Variants in DMD observed in about 807,000 individuals in gnomAD.
DMD encodes mutant dystrophin.
In DMD, 63 loss-of-function variants were observed where a neutral mutation model predicts 330.1. The ratio of observed to expected loss-of-function variants is 0.19; its 90% CI spans 0.16 to 0.24. The LOEUF (loss-of-function observed/expected upper bound fraction) is 0.24. DMD is among the 10% of genes least tolerant of loss of function. The pLI is 1.00. For missense variants in DMD, 3,344 were observed against 2,684.1 expected (o/e 1.25, Z -5.43); for synonymous variants, 1,223 against 959.8 (o/e 1.27, Z -5.07).
In DMD at chrX:32,505,424, C is replaced by T. The variant is rs7053167; in HGVS notation, c.2293-3582G>A. ...AAGCAAATGAAAATATGTTTCACATCATATGTTACCAGGGAATTACAAATT... is the reference window on the plus strand; with the variant it reads ...AAGCAAATGAAAATATGTTTCACATTATATGTTACCAGGGAATTACAAATT... On this transcript the variant is annotated intron_variant, in intron 18 of 78. Transcript: ENST00000357033. Among the ~76,000 whole-genome samples, 1,006 of 111,939 alleles carry T rather than the reference C, an allele frequency of 9.0e-3. 19 individuals carry two copies. The highest frequency in any genetic ancestry group is 0.031 in the African/African-American group (959 of 30,826).
chrX:32,679,374 T>A (rs2062205642), intron 9 of DMD, among the ~76,000 whole-genome samples: 1 of 111,237 alleles, frequency 9.0e-6, no homozygotes, highest in African/African-American at 3.3e-5. Flanking sequence ...GGCTTGTTCT[T>A]GACATTTACT....
chrX:31,574,814 T>C (rs1365982584), intron 55 of DMD, among the ~76,000 whole-genome samples: 1 of 111,894 alleles, frequency 8.9e-6, no homozygotes, highest in Non-Finnish European at 1.9e-5. Context: ...CATCAATTCA[T>C]TCTCAAGAGA....
intron 52 of DMD, among the ~76,000 whole-genome samples, chrX:31,701,403 A>G (rs2083799744): frequency 8.9e-6 from 1 of 112,000 alleles, no homozygotes; most frequent in Non-Finnish European, 1.9e-5. Context: ...AAAAAGCACA[A>G]TTCCATACAT....
At position 31,820,010 on chromosome X, in the gene DMD, G is replaced by C; in HGVS notation, c.7274C>G (p.Pro2425Arg). 1 of 1,211,540 alleles carries C rather than the reference G, an allele frequency of 8.3e-7. No homozygotes were observed. The highest frequency in any genetic ancestry group is 1.1e-6 in the Non-Finnish European group (1 of 895,219). Residue 2425 changes from proline (P) to arginine (R), a missense_variant, in exon 50 of 79, where the codon CCT becomes CGT. By Grantham distance (103) the Pro-to-Arg change is moderately radical (BLOSUM62 -2). Coordinates refer to ENST00000357033, the MANE Select transcript of DMD (RefSeq NM_004006.3). ...AGTGGTCAGTCCAGGAGCTAGGTCA[G>C]GCTGCTTTGCCCTCAGCTCTTGAAG... ...RLLQELRAKQ[P>R]DLAPGLTTIG...
At chrX:33,239,189 G>T (rs2052541632) in intron 1 of DMD, among the ~76,000 whole-genome samples, 1 of 103,683 alleles carries the variant, frequency 9.6e-6, no homozygotes, top group African/African-American at 3.6e-5. Flanking sequence ...CCCCGGAGGT[G>T]GAGGTTGCAG....
intron 53 of DMD, among the ~76,000 whole-genome samples, chrX:31,676,910 C>T (rs967028338): frequency 8.0e-5 from 9 of 111,834 alleles, no homozygotes; most frequent in African/African-American, 2.9e-4. Context: ...GAAAAAATTA[C>T]AGCTTTGGCC....
chrX:32,926,222 C>G (rs1165270243), intron 2 of DMD, among the ~76,000 whole-genome samples: 1 of 111,831 alleles, frequency 8.9e-6, no homozygotes, highest in Non-Finnish European at 1.9e-5. Flanking sequence ...CATATGATCT[C>G]GCTTATTATA....
intron 49 of DMD, among the ~76,000 whole-genome samples, chrX:31,822,213 C>T (rs929048353): frequency 9.0e-6 from 1 of 111,676 alleles, no homozygotes; most frequent in Admixed American, 9.5e-5. Flanking sequence ...CAATAGGTTA[C>T]CCACAAAAGC....
chrX:31,716,998 C>T (rs751663051), intron 52 of DMD, among the ~76,000 whole-genome samples: 9 of 110,670 alleles, frequency 8.1e-5, no homozygotes, highest in African/African-American at 1.3e-4. Context: ...ATCCTGGTTC[C>T]GCTATCTGTG....
intron 77 of DMD, among the ~76,000 whole-genome samples, chrX:31,129,737 C>T (rs1261061054): frequency 1.8e-5 from 2 of 112,183 alleles, no homozygotes; most frequent in Non-Finnish European, 3.8e-5. Flanking sequence ...AAAGGGATAA[C>T]CGCTCAAATC....
At chrX:32,580,110 A>AGGAGCATTCCAGCGTAACAG (rs1327586137) in intron 13 of DMD, among the ~76,000 whole-genome samples, 1 of 110,325 alleles carries the variant, frequency 9.1e-6, no homozygotes, top group Non-Finnish European at 1.9e-5. Context: ...AGGAGTTCTA[A>AGGAGCATTCCAGCGTAACAG]GGAGCATTCC....
chrX:32,719,969 CAT>C (rs58382484), intron 7 of DMD, among the ~76,000 whole-genome samples: 10,982 of 102,996 alleles, frequency 0.11, 1,277 homozygotes, highest in African/African-American at 0.32. Context: ...TTCATTCATT[CAT>C]ATATATATAT....
chrX:32,890,250 T>G (rs1254989706), intron 2 of DMD, among the ~76,000 whole-genome samples: 1 of 111,840 alleles, frequency 8.9e-6, no homozygotes, highest in Non-Finnish European at 1.9e-5. Context: ...AGTGCCCGGT[T>G]ACGAAGCTGT....
intron 5 of DMD, among the ~76,000 whole-genome samples, chrX:32,820,736 T>C (rs762424310): frequency 8.4e-4 from 94 of 111,874 alleles, no homozygotes; most frequent in Non-Finnish European, 1.2e-3. Flanking sequence ...CTAGGAATTA[T>C]TTGTTACTAT....
intron 7 of DMD, among the ~76,000 whole-genome samples, chrX:32,761,490 AATG>A (rs1283864181): frequency 4.5e-5 from 5 of 112,147 alleles, no homozygotes; most frequent in South Asian, 3.7e-4. Context: ...ACACATACAC[AATG>A]ATGATGATGA....
intron 44 of DMD, among the ~76,000 whole-genome samples, chrX:32,097,430 T>G (rs774913736): frequency 8.1e-5 from 9 of 111,615 alleles, no homozygotes; most frequent in African/African-American, 2.9e-4. Context: ...GGACATGAAC[T>G]CGTTCTTTTT....
At chrX:33,010,046 G>A (rs2093645372) in intron 2 of DMD, among the ~76,000 whole-genome samples, 1 of 41,366 alleles carries the variant, frequency 2.4e-5, no homozygotes, top group Non-Finnish European at 6.8e-5. Flanking sequence ...ATATACACAT[G>A]TGTATATATA....
At chrX:31,948,075 G>A (rs1178569907) in intron 45 of DMD, among the ~76,000 whole-genome samples, 1 of 111,118 alleles carries the variant, frequency 9.0e-6, no homozygotes, top group Non-Finnish European at 1.9e-5. Context: ...CTGGTTCTAC[G>A]AGTTTGACTG....
intron 9 of DMD, among the ~76,000 whole-genome samples, chrX:32,678,580 A>C (rs2062134560): frequency 9.0e-6 from 1 of 110,768 alleles, no homozygotes; most frequent in African/African-American, 3.3e-5. Context: ...TTAATCTCCT[A>C]AAATCAAAGG....
Sources: allele counts gnomAD v4.1 joint callset (sites outside exome capture counted in the v4.1 genomes callset), GRCh38; gene constraint gnomAD v4.1.1; transcripts MANE v1.5; gene names NCBI Gene and HGNC (gene_info 2026-07-23, HGNC 2026-07-21).